CD1B: variants seen among roughly 807,000 people sequenced by gnomAD.
CD1B encodes the protein CD1b molecule.
A neutral mutation model predicts 39.8 loss-of-function variants in CD1B; 43 were observed. The observed-to-expected ratio is 1.08, with a 90% CI of 0.85 to 1.39. The LOEUF (loss-of-function observed/expected upper bound fraction) is 1.39, where lower values mean the gene tolerates loss of function less well. Among genes scored for constraint, CD1B ranks in the 40% most tolerant of loss-of-function variants. CD1B has a pLI of 0.00. For missense variants in CD1B, 495 were observed against 403.8 expected (o/e 1.23, Z -1.94); for synonymous variants, 192 against 152.5 (o/e 1.26, Z -1.91).
the CD1B span, among the ~76,000 whole-genome samples, chr1:158,286,988 C>T: frequency 1.6e-4 from 25 of 152,256 alleles, no homozygotes; most frequent in Middle Eastern, 3.4e-3. Context: ...AAGGCTCAGT[C>T]TTGCTCTCCT....
chr1:158,312,711 A>C, the CD1B span, among the ~76,000 whole-genome samples: 1 of 152,208 alleles, frequency 6.6e-6, no homozygotes, highest in Non-Finnish European at 1.5e-5. Flanking sequence ...TAATATCCTG[A>C]AATTTTACTG....
the CD1B span, among the ~76,000 whole-genome samples, chr1:158,320,531 C>T: frequency 9.1e-4 from 138 of 151,990 alleles, 2 homozygotes; most frequent in African/African-American, 3.0e-3. Context: ...ACACGGTGTG[C>T]GCACCCACTG....
At chr1:158,293,191 G>A in the CD1B span, 4 of 1,572,908 alleles carry the variant, frequency 2.5e-6, no homozygotes, top group Non-Finnish European at 2.6e-6. Context: ...TGGCATCCAT[G>A]TATCTTTCCA....
Position 158,331,456 on chromosome 1 carries a change from G to GC in CD1B, c.-34dup. The GC allele has an allele frequency of 1.3e-6, 2 of 1,582,676 alleles. No homozygotes were observed. ...GGAGATGCAACTTCTTACTGGCAGA[G>GC]CTGGTATTTGATCTCCAATTTCAGC... On this transcript the variant is annotated 5_prime_UTR_variant, in exon 1 of 6. Coordinates refer to ENST00000368168, the MANE Select transcript of CD1B (RefSeq NM_001764.3).
chr1:158,291,443 C>T, the CD1B span: 2 of 1,588,012 alleles, frequency 1.3e-6, no homozygotes, highest in Non-Finnish European at 8.6e-7. Context: ...TTAGAATGTT[C>T]TATTTCAGGG....
the CD1B span, among the ~76,000 whole-genome samples, chr1:158,298,946 T>G: frequency 6.6e-6 from 1 of 152,224 alleles, no homozygotes; most frequent in Non-Finnish European, 1.5e-5. Flanking sequence ...AAATATACAA[T>G]CATGTCATCT....
At chr1:158,325,016 A>G (rs548157034), downstream of CD1B, among the ~76,000 whole-genome samples, 4 of 152,286 alleles carry the variant, frequency 2.6e-5, no homozygotes, top group Non-Finnish European at 5.9e-5. Flanking sequence ...ACTTGTGGAG[A>G]ATGCCATATA....
the CD1B span, among the ~76,000 whole-genome samples, chr1:158,320,579 A>T: frequency 1.3e-5 from 2 of 152,034 alleles, no homozygotes; most frequent in African/African-American, 4.8e-5. Flanking sequence ...AGTGAGACGA[A>T]CCCGGTACCT....
At chr1:158,329,278 C>T (rs1284855101) in intron 4 of CD1B, 92 bp downstream of exon 4, 1 of 1,446,772 alleles carries the variant, frequency 6.9e-7, no homozygotes. Flanking sequence ...CTCCCTCTTT[C>T]ATCTCTCAAG....
downstream of CD1B, among the ~76,000 whole-genome samples, chr1:158,323,871 G>C (rs1652266821): frequency 6.6e-6 from 1 of 152,192 alleles, no homozygotes; most frequent in Admixed American, 6.5e-5. Flanking sequence ...GCTCAGATGT[G>C]GGAGGAGCTG....
the CD1B span, among the ~76,000 whole-genome samples, chr1:158,290,341 C>G: frequency 6.6e-6 from 1 of 152,142 alleles, no homozygotes; most frequent in African/African-American, 2.4e-5. Flanking sequence ...TCTGTGGTAA[C>G]TGGTTCAATT....
At chr1:158,293,557 C>T in the CD1B span, 8 of 1,613,628 alleles carry the variant, frequency 5.0e-6, no homozygotes, top group East Asian at 6.7e-5. Context: ...GCCATCCCGT[C>T]GACTCTCCAT....
rs767331854 is a variant in CD1B at position 158,331,414 on chromosome 1, G to A, written c.10C>T (p.Leu4=). Residue 4 remains leucine (L), a synonymous_variant, in exon 1 of 6, where the codon CTG becomes TTG. Transcript: ENST00000368168. ...AGAACAGCTAACAGTTGAAATGGCA[G>A]CAGCAGCATTTCACTGGGAGATGCA... The part of the protein sequence containing the change: MLL[L]PFQLLAVLFP... The A allele has an allele frequency of 3.7e-6, 6 of 1,613,618 alleles. No homozygotes were observed. The highest frequency in any genetic ancestry group is 5.1e-6 in the Non-Finnish European group (6 of 1,179,676).
At chr1:158,293,228 G>A in the CD1B span, 1 of 1,613,866 alleles carries the variant, frequency 6.2e-7, no homozygotes, top group Non-Finnish European at 8.5e-7. Flanking sequence ...ACTTTTCCAT[G>A]AATTGGATTG....
At chr1:158,288,328 G>C in the CD1B span, among the ~76,000 whole-genome samples, 1 of 152,166 alleles carries the variant, frequency 6.6e-6, no homozygotes, top group Non-Finnish European at 1.5e-5. Flanking sequence ...ATATATCAAA[G>C]TATCATGTTG....
chr1:158,292,515 G>C, the CD1B span: 1 of 1,510,814 alleles, frequency 6.6e-7, no homozygotes, highest in Non-Finnish European at 9.0e-7. Context: ...AGATAACTGT[G>C]CATATTCATG....
chr1:158,305,004 A>G, the CD1B span, among the ~76,000 whole-genome samples: 1 of 152,134 alleles, frequency 6.6e-6, no homozygotes, highest in African/African-American at 2.4e-5. Flanking sequence ...GAGCAGAAAA[A>G]CTGGAAACTC....
chr1:158,308,861 C>A, the CD1B span, among the ~76,000 whole-genome samples: 2 of 152,194 alleles, frequency 1.3e-5, no homozygotes, highest in African/African-American at 2.4e-5. Flanking sequence ...CATGTTAGAC[C>A]TGAAACCGTA....
At chr1:158,303,957 G>T in the CD1B span, among the ~76,000 whole-genome samples, 3 of 152,116 alleles carry the variant, frequency 2.0e-5, no homozygotes, top group East Asian at 5.8e-4. Context: ...AGAGTCTGGG[G>T]GGTGCAACCA....
Sources: gnomAD v4.1 joint callset for allele counts (sites outside exome capture counted in the v4.1 genomes callset) on GRCh38, gnomAD v4.1.1 for gene constraint, MANE v1.5 for transcripts, NCBI Gene and HGNC (gene_info 2026-07-23, HGNC 2026-07-21) for gene names.